ADAM12: variants seen among roughly 807,000 people sequenced by gnomAD.
The protein encoded by ADAM12 is disintegrin and metalloproteinase domain-containing protein 12.
A neutral mutation model predicts 106.4 loss-of-function variants in ADAM12; 70 were observed. The observed-to-expected ratio is 0.66, with a 90% confidence interval of 0.54 to 0.80. The LOEUF (loss-of-function observed/expected upper bound fraction) is 0.80, where lower values mean the gene tolerates loss of function less well. ADAM12 is among the 30% of genes least tolerant of loss of function. The pLI is 0.00. For missense variants in ADAM12, 1,010 were observed against 1,171.9 expected (o/e 0.86, Z 2.02); for synonymous variants, 420 against 433.5 (o/e 0.97, Z 0.39).
rs74158397 is a variant in ADAM12 at position 126,247,636 on chromosome 10, A to G, written c.260+31279T>C. Among the ~76,000 whole-genome samples, 588 of 152,358 alleles carry G rather than the reference A, an allele frequency of 3.9e-3. 4 individuals are homozygous for G. Among genetic ancestry groups the G allele is most frequent in the African/African-American group, 0.013 (554 of 41,580 alleles). ...AGCCAAAGAAAAGAGTGAATCATTTAAAACAGGGCTTGGCGTCAATCTTGA... is the reference window on the plus strand; with the variant it reads ...AGCCAAAGAAAAGAGTGAATCATTTGAAACAGGGCTTGGCGTCAATCTTGA... On this transcript the variant is annotated intron_variant, in intron 3 of 22. Coordinates refer to ENST00000448723, the MANE Select transcript of ADAM12 (RefSeq NM_001288973.2).
chr10:126,176,552 C>A (rs755420545), intron 3 of ADAM12, among the ~76,000 whole-genome samples: 20 of 152,336 alleles, frequency 1.3e-4, no homozygotes, highest in Non-Finnish European at 1.6e-4. Flanking sequence ...AGGGCATAGT[C>A]TATCTTGTGC....
intron 3 of ADAM12, among the ~76,000 whole-genome samples, chr10:126,198,970 G>C (rs1265648997): frequency 6.6e-6 from 1 of 152,154 alleles, no homozygotes; most frequent in Non-Finnish European, 1.5e-5. Flanking sequence ...TGATATCAAA[G>C]AGTAAGGAAG....
intron 3 of ADAM12, among the ~76,000 whole-genome samples, chr10:126,246,125 T>C (rs1167817029): frequency 1.3e-5 from 2 of 152,172 alleles, no homozygotes; most frequent in Admixed American, 6.5e-5. Context: ...ACAAAACCCT[T>C]GCATTCTGGA....
chr10:126,094,110 A>G lies in ADAM12; in HGVS notation c.1020T>C (p.Gly340=). The change falls in exon 11 of 23, where the codon GGT becomes GGC. Residue 340 remains glycine (G), a synonymous_variant. Coordinates refer to ENST00000448723, the MANE Select transcript of ADAM12 (RefSeq NM_001288973.2). ...GCTCATGTGCCAGGGTCACGGCTGC[A>G]CCAAGGGGATTGTCTGAATGGTCCT... is the stretch of plus-strand genomic sequence containing the variant. ...IVMDHSDNPL[G]AAVTLAHELG... is the part of the protein sequence containing the mutation. 1 of 1,614,176 alleles carries G rather than the reference A, an allele frequency of 6.2e-7. No homozygotes were observed. Among genetic ancestry groups the G allele is most frequent in the Non-Finnish European group, 8.5e-7 (1 of 1,180,030 alleles).
chr10:126,202,584 T>C (rs1291401458), intron 3 of ADAM12, among the ~76,000 whole-genome samples: 1 of 152,212 alleles, frequency 6.6e-6, no homozygotes, highest in Non-Finnish European at 1.5e-5. Context: ...GGATTGAAGA[T>C]ATTTTTAAAA....
chr10:126,253,622 A>ACC (rs370025935), intron 3 of ADAM12, among the ~76,000 whole-genome samples: 1 of 150,942 alleles, frequency 6.6e-6, no homozygotes, highest in African/African-American at 2.4e-5. Context: ...GGGAACACCC[A>ACC]CCCCCCAGAG....
At chr10:126,337,755 T>G (rs1854760015) in intron 1 of ADAM12, among the ~76,000 whole-genome samples, 1 of 152,226 alleles carries the variant, frequency 6.6e-6, no homozygotes, top group African/African-American at 2.4e-5. Flanking sequence ...TGGTTTAGGT[T>G]GTTTTTTTTG....
In ADAM12 at chr10:126,132,088, C is replaced by T. The variant is rs1464093178; in HGVS notation, c.416+3496G>A. On this transcript the variant is annotated intron_variant, in intron 5 of 22. Transcript: ENST00000448723. The stretch of plus-strand genomic sequence containing the variant: ...CCTCCCGGGTTCAAGCAGTTTTCTG[C>T]CTCAGCCTCCCAAGTAGCTGGGACT... Among the ~76,000 whole-genome samples, 4 of 151,880 alleles carry T rather than the reference C, an allele frequency of 2.6e-5. No homozygotes were observed. In the East Asian group the frequency reaches 7.7e-4, roughly 29 times the overall value.
intron 1 of ADAM12, among the ~76,000 whole-genome samples, chr10:126,365,700 C>T (rs754463134): frequency 2.0e-5 from 3 of 152,144 alleles, no homozygotes; most frequent in East Asian, 1.9e-4. Flanking sequence ...AGAATAGCAT[C>T]GGGGCAACTG....
chr10:126,381,324 C>T (rs947575502), intron 1 of ADAM12, among the ~76,000 whole-genome samples: 1 of 151,892 alleles, frequency 6.6e-6, no homozygotes, highest in Non-Finnish European at 1.5e-5. Context: ...TGAAACCCTG[C>T]CATAAGGGAA....
At chr10:126,357,932 A>C (rs1855597835) in intron 1 of ADAM12, among the ~76,000 whole-genome samples, 1 of 152,194 alleles carries the variant, frequency 6.6e-6, no homozygotes. Context: ...CAGAAAAACA[A>C]ATATGAATCC....
chr10:126,123,707 C>G (rs78844210), intron 5 of ADAM12, among the ~76,000 whole-genome samples: 1 of 152,208 alleles, frequency 6.6e-6, no homozygotes, highest in Admixed American at 6.5e-5. Context: ...GACCTGTGTG[C>G]CCCGGGCTTG....
chr10:126,189,332 G>A (rs1273864137), intron 3 of ADAM12, among the ~76,000 whole-genome samples: 1 of 152,182 alleles, frequency 6.6e-6, no homozygotes, highest in Non-Finnish European at 1.5e-5. Flanking sequence ...GATGAAGAAT[G>A]GGGTATACGG....
At chr10:126,346,272 C>A (rs6597763) in intron 1 of ADAM12, among the ~76,000 whole-genome samples, 27,270 of 152,054 alleles carry the variant, frequency 0.18, 2,620 homozygotes, top group Middle Eastern at 0.28. Context: ...CCTTCATTTC[C>A]TTATTTACCC....
intron 3 of ADAM12, among the ~76,000 whole-genome samples, chr10:126,160,227 G>A (rs909501661): frequency 1.3e-5 from 2 of 152,198 alleles, no homozygotes; most frequent in Admixed American, 6.5e-5. Flanking sequence ...TGTTACGTGC[G>A]CTCACCACAA....
At chr10:126,323,939 A>T (rs1403518949) in intron 2 of ADAM12, among the ~76,000 whole-genome samples, 3 of 152,228 alleles carry the variant, frequency 2.0e-5, no homozygotes, top group Non-Finnish European at 4.4e-5. Context: ...CTATTTCATG[A>T]TATCCAACAG....
intron 2 of ADAM12, among the ~76,000 whole-genome samples, chr10:126,317,186 T>A (rs924496331): frequency 1.3e-5 from 2 of 152,198 alleles, no homozygotes; most frequent in Non-Finnish European, 2.9e-5. Context: ...ACAGCCCTTC[T>A]GAGGAGTCCT....
At chr10:126,368,079 A>G (rs1426551495) in intron 1 of ADAM12, among the ~76,000 whole-genome samples, 1 of 151,898 alleles carries the variant, frequency 6.6e-6, no homozygotes, top group Non-Finnish European at 1.5e-5. Flanking sequence ...GTGCATGTGT[A>G]TGTGTGTATA....
rs561900098 is a variant in ADAM12 at position 126,015,961 on chromosome 10, A to G, written c.*1318T>C. 1 of 152,296 alleles carries G rather than the reference A, an allele frequency of 6.6e-6. No homozygotes were observed. Among genetic ancestry groups the G allele is most frequent in the East Asian group, 1.9e-4 (1 of 5,154 alleles). The allele number at this position is 152,296 out of a possible 1,614,324, so 9.4% of individuals were successfully genotyped here. On this transcript the variant is annotated 3_prime_UTR_variant, in exon 23 of 23. Coordinates refer to ENST00000448723, the MANE Select transcript of ADAM12 (RefSeq NM_001288973.2). ...TCAAGGGGATGCTGCCCAAGCCAGC[A>G]TCTCATAATATTTAGGAAGTTGATA...
Sources: gnomAD v4.1 joint callset for allele counts (sites outside exome capture counted in the v4.1 genomes callset) on GRCh38, gnomAD v4.1.1 for gene constraint, MANE v1.5 for transcripts, NCBI Gene and HGNC (gene_info 2026-07-23, HGNC 2026-07-21) for gene names.